Variants in MRC2 observed in about 807,000 individuals in gnomAD.
The protein encoded by MRC2 is mannose receptor C-type 2, also known as C-type mannose receptor 2.
Under a neutral mutation model 206.2 loss-of-function variants are expected in MRC2, and 84 were observed. The observed-to-expected ratio is 0.41, with a 90% CI of 0.34 to 0.49. The LOEUF is 0.49. Among genes scored for constraint, MRC2 ranks in the 20% least tolerant of loss-of-function variants. The pLI, the probability that MRC2 is intolerant of heterozygous loss-of-function variation, is 0.31. For synonymous variants in MRC2, 798 were observed against 800.0 expected, an observed-to-expected ratio of 1.00 and a Z score of 0.04; for missense variants, 1,676 against 2,001.5, an observed-to-expected ratio of 0.84 and a Z score of 3.10.
chr17:62,639,669 G>A (rs1171967875), intron 1 of MRC2, among the ~76,000 whole-genome samples: 1 of 152,110 alleles, frequency 6.6e-6, no homozygotes, highest in African/African-American at 2.4e-5. Context: ...CTGTTGCCCG[G>A]GCTGGAGTGC....
intron 12 of MRC2, among the ~76,000 whole-genome samples, chr17:62,677,773 C>T (rs750118599): frequency 1.3e-5 from 2 of 152,162 alleles, no homozygotes; most frequent in Admixed American, 6.5e-5. Context: ...AAATCTTGGC[C>T]GGGCGCAGTG....
At position 62,681,995 on chromosome 17, in the gene MRC2, C is replaced by T. The variant is rs111459536; in HGVS notation, c.2803+58C>T. 2.1e-4 allele frequency: 306 copies of T among 1,438,654 alleles called. 2 individuals carry two copies. Among genetic ancestry groups the T allele is most frequent in the Admixed American group, 4.7e-4 (24 of 50,954 alleles). 89.1% of individuals were successfully genotyped at this position (1,438,654 alleles called of 1,614,324 possible). A position where few individuals can be genotyped will look rare whatever the true frequency, so the allele number is the denominator to read the frequency against. On this transcript the variant is annotated intron_variant, in intron 19 of 29. Transcript: ENST00000303375. ...AGCTGTGCAAAGGGTTAATGCTGGGCGAGCCTGGGCAGAAGTCATCAGTCT... is the reference window on the plus strand; with the variant it reads ...AGCTGTGCAAAGGGTTAATGCTGGGTGAGCCTGGGCAGAAGTCATCAGTCT...
chr17:62,682,064 C>T (rs1286037748), intron 19 of MRC2, 127 bp downstream of exon 19: 8 of 1,101,112 alleles, frequency 7.3e-6, no homozygotes, highest in Non-Finnish European at 1.0e-5. Flanking sequence ...AGGCTAGACT[C>T]AGCGAGGGGT....
chr17:62,689,716 C>G lies in MRC2; in HGVS notation c.3529C>G (p.Arg1177Gly), dbSNP rs1176909174. Residue 1177 changes from arginine to glycine, a missense_variant, in exon 24 of 30, where the codon CGA becomes GGA. Physicochemically the swap from Arg to Gly is moderately radical, Grantham distance 125. Transcript: ENST00000303375. ...CCAGGCCTTCCTCACGCAGGCTGCC[C>G]GAGGGCTGCGCACGCCGCTCTGGAT... ...YTQAFLTQAA[R>G]GLRTPLWIGL... The G allele has an allele frequency of 1.3e-6, 2 of 1,566,798 alleles. No individual in the cohort carries two copies. The highest frequency in any genetic ancestry group is 1.3e-5 in the African/African-American group (1 of 74,214).
In MRC2 at chr17:62,680,772, C is replaced by A. The variant is rs760646801; in HGVS notation, c.2474-28C>A. The A allele has an allele frequency of 1.3e-6, 2 of 1,550,904 alleles. No individual in the cohort carries two copies. Reference sequence around the variant, plus strand: ...TGGCGTGCAGCCTCTGCCTGGCCGCCGCTCCCACGCCCGCGCTGCTCCTGC... The same window carrying A: ...TGGCGTGCAGCCTCTGCCTGGCCGCAGCTCCCACGCCCGCGCTGCTCCTGC... On this transcript the variant is annotated intron_variant, in intron 16 of 29. Coordinates refer to ENST00000303375, the MANE Select transcript of MRC2 (RefSeq NM_006039.5). The surrounding 1 kb of genome is among the most constrained non-coding windows in gnomAD (Gnocchi z 4.8).
At position 62,691,074 on chromosome 17, in the gene MRC2, C is replaced by T. The variant is rs541521774; in HGVS notation, c.4138C>T (p.Arg1380Cys). Residue 1380 changes from arginine to cysteine, a missense_variant, in exon 28 of 30, where the codon CGC becomes TGC. Coordinates refer to ENST00000303375, the MANE Select transcript of MRC2 (RefSeq NM_006039.5). ...YWIQSNSGLW[R>C]PGACTNITMG... ...GATTCAGAGCAACAGCGGGCTATGG[C>T]GCCCCGGCGCTTGCACCAACATCAC... is the stretch of plus-strand genomic sequence containing the variant. 1.1e-5 allele frequency: 18 copies of T among 1,609,410 alleles called. No individual in the cohort carries two copies. The highest frequency in any genetic ancestry group is 1.1e-4 in the South Asian group (10 of 90,428).
chr17:62,691,028 G>A lies in MRC2; in HGVS notation c.4092G>A (p.Leu1364=). The change falls in exon 28 of 30, where the codon CTG becomes CTA. Residue 1364 remains leucine, a synonymous_variant. Transcript: ENST00000303375. ...CCCCGGGCTTGGGCCCCAGCATGCTGAGCCACAACAGCTGCTACTGGATTC... is the reference window on the plus strand; with the variant it reads ...CCCCGGGCTTGGGCCCCAGCATGCTAAGCCACAACAGCTGCTACTGGATTC... ...WGPPGLGPSM[L]SHNSCYWIQS... is the part of the protein sequence containing the mutation. 1 of 1,609,412 alleles carries A rather than the reference G, an allele frequency of 6.2e-7. No homozygotes were observed. Among genetic ancestry groups the A allele is most frequent in the Non-Finnish European group, 8.5e-7 (1 of 1,178,878 alleles).
intron 23 of MRC2, 111 bp from the exon 24 acceptor site, chr17:62,689,411 G>A (rs369275470): frequency 5.7e-6 from 4 of 706,160 alleles, no homozygotes; most frequent in East Asian, 2.7e-5. Context: ...CAAGCGCCGA[G>A]TCTGGTGGAG....
chr17:62,690,487 C>T (rs887291593), intron 26 of MRC2, among the ~76,000 whole-genome samples, 155 bp from the exon 27 acceptor site: 1 of 152,090 alleles, frequency 6.6e-6, no homozygotes, highest in Admixed American at 6.5e-5. Flanking sequence ...GCTGCCCCCC[C>T]ACACACTTGC....
At position 62,689,762 on chromosome 17, in the gene MRC2, T is replaced by C. The variant is rs374556098; in HGVS notation, c.3573+2T>C. On this transcript the variant is annotated splice_donor_variant, in intron 24 of 29. Coordinates refer to ENST00000303375, the MANE Select transcript of MRC2 (RefSeq NM_006039.5). LOFTEE classifies it high-confidence loss of function. ...TGGATTGGGCTGGCTGGCGAGGAGG[T>C]GGGCTCCCGACACTTTTGCCCTGGG... 5 of 1,539,118 alleles carry C rather than the reference T, an allele frequency of 3.2e-6. No homozygotes were observed. In the African/African-American group the frequency reaches 5.4e-5, roughly 17 times the overall value.
Position 62,627,808 on chromosome 17 carries a change from G to A in MRC2, c.6G>A (p.Gly2=), listed in dbSNP as rs1217075839. M[G]PGRPAPAPWP... is the part of the protein sequence containing the mutation. ...ACTGAGCGCCGCGCTCGGGGATGGG[G>A]CCCGGCCGGCCGGCCCCCGCGCCCT... The change falls in exon 1 of 30, where the codon GGG becomes GGA. Residue 2 remains glycine, a synonymous_variant. Transcript: ENST00000303375. The A allele has an allele frequency of 4.2e-6, 6 of 1,441,062 alleles. No homozygotes were observed. In the South Asian group the frequency reaches 4.2e-5, roughly 10 times the overall value. The allele number at this position is 1,441,062 out of a possible 1,614,324, so 89.3% of individuals were successfully genotyped here. A position where few individuals can be genotyped will look rare whatever the true frequency, so the allele number is the denominator to read the frequency against.
At chr17:62,629,412 G>T (rs1012368533) in intron 1 of MRC2, among the ~76,000 whole-genome samples, 1 of 152,198 alleles carries the variant, frequency 6.6e-6, no homozygotes, top group African/African-American at 2.4e-5. Context: ...GGACAAGGAC[G>T]CCTGGAGTGT....
At position 62,676,696 on chromosome 17, in the gene MRC2, C is replaced by G. The variant is rs2147477660; in HGVS notation, c.1834+165C>G. 4.0e-6 allele frequency: 3 copies of G among 743,394 alleles called. No homozygotes were observed. In the East Asian group the frequency reaches 8.6e-5, roughly 21 times the overall value. The allele number at this position is 743,394 out of a possible 1,614,324, so 46.0% of individuals were successfully genotyped here. A position where few individuals can be genotyped will look rare whatever the true frequency, so the allele number is the denominator to read the frequency against. On this transcript the variant is annotated intron_variant, in intron 11 of 29. Coordinates refer to ENST00000303375, the MANE Select transcript of MRC2 (RefSeq NM_006039.5). ...TGAAACCAAACTGCCTGGCTCCGAT[C>G]ATGACTCTGCCATCTTTTAGCTGTG...
intron 1 of MRC2, among the ~76,000 whole-genome samples, chr17:62,654,251 C>T (rs1423478961): frequency 6.6e-6 from 1 of 152,048 alleles, no homozygotes; most frequent in Admixed American, 6.5e-5. Flanking sequence ...CAGCTGTCCT[C>T]CAGCCCCCAG....
At chr17:62,688,038 T>C (rs1204146863) in intron 20 of MRC2, among the ~76,000 whole-genome samples, 1 of 152,192 alleles carries the variant, frequency 6.6e-6, no homozygotes, top group Non-Finnish European at 1.5e-5. Flanking sequence ...TCATAGCCTT[T>C]GACGGCCCAA....
Position 62,680,192 on chromosome 17 carries a change from G to A in MRC2, c.2321G>A (p.Arg774Gln). 3.7e-6 allele frequency: 6 copies of A among 1,614,104 alleles called. No individual in the cohort carries two copies. The highest frequency in any genetic ancestry group is 1.1e-5 in the South Asian group (1 of 91,074). Residue 774 changes from arginine (R) to glutamine (Q), a missense_variant, in exon 15 of 30, where the codon CGG (arginine) becomes CAG (glutamine). Physicochemically the swap from Arg to Gln is conservative, Grantham distance 43. Transcript: ENST00000303375. This position sits in a 1 kb window ranked among gnomAD's most constrained non-coding sequence, Gnocchi z 4.8. ...GVGFSYHNFD[R>Q]SRHDDDDIRG... ...CAGTTCTCTTACCACAATTTCGACC[G>A]GAGCCGGCACGACGACGACGACATC...
At chr17:62,632,192 C>A (rs9911082) in intron 1 of MRC2, among the ~76,000 whole-genome samples, 2,731 of 152,214 alleles carry the variant, frequency 0.018, 87 homozygotes, top group African/African-American at 0.062. Context: ...CCAGTGGCAC[C>A]TGTGACACCG....
At chr17:62,677,725 C>T (rs554200509) in intron 12 of MRC2, among the ~76,000 whole-genome samples, 2 of 152,200 alleles carry the variant, frequency 1.3e-5, no homozygotes, top group Admixed American at 6.5e-5. Context: ...GCCAGCCTAG[C>T]TGTTCTTCAG....
At chr17:62,655,921 C>T (rs1371016578) in intron 1 of MRC2, among the ~76,000 whole-genome samples, 4 of 151,972 alleles carry the variant, frequency 2.6e-5, no homozygotes, top group Non-Finnish European at 4.4e-5. Context: ...GCTGTATCTT[C>T]TTTTGATTCC....
Sources: gnomAD v4.1 joint callset for allele counts (sites outside exome capture counted in the v4.1 genomes callset) on GRCh38, gnomAD v4.1.1 for gene constraint, Gnocchi (gnomAD v3.1) non-coding constraint, MANE v1.5 for transcripts, NCBI Gene and HGNC (gene_info 2026-07-23, HGNC 2026-07-21) for gene names.